GLI3: variants seen among roughly 807,000 people sequenced by gnomAD.
GLI3 encodes transcription activator GLI3.
In GLI3, 20 loss-of-function variants were observed where a neutral mutation model predicts 100.8. The ratio of observed to expected loss-of-function variants is 0.20; its 90% CI spans 0.14 to 0.29. GLI3 has a LOEUF of 0.29. Ranked by LOEUF, GLI3 falls within the 10% of genes least tolerant of loss-of-function variation. GLI3 has a pLI of 1.00. For synonymous variants in GLI3, 938 were observed against 860.5 expected (o/e 1.09, Z -1.58); for missense variants, 2,040 against 2,128.5 (o/e 0.96, Z 0.82).
At chr7:42,171,844 G>A (rs999307734) in intron 2 of GLI3, among the ~76,000 whole-genome samples, 7 of 152,184 alleles carry the variant, frequency 4.6e-5, no homozygotes, top group African/African-American at 1.7e-4. Context: ...ACCCAAGACT[G>A]TGCCATGATC....
At chr7:42,079,307 G>T (rs1217571362) in intron 3 of GLI3, among the ~76,000 whole-genome samples, 1 of 152,150 alleles carries the variant, frequency 6.6e-6, no homozygotes, top group African/African-American at 2.4e-5. Context: ...AGGAAATTAT[G>T]CACCCTTCTT....
rs1554337070 is a variant in GLI3, at chr7:42,182,662, A to ATACATGTGTG, written c.125-34195_125-34194insCACACATGTA. ...TGTGTGTGTATATATATATATATAT[A>ATACATGTGTG]TATATATATATATATATATACACAT... On this transcript the variant is annotated intron_variant, in intron 2 of 14. Coordinates refer to ENST00000395925, the MANE Select transcript of GLI3 (RefSeq NM_000168.6). Among the ~76,000 whole-genome samples the ATACATGTGTG allele has an allele frequency of 5.6e-4, 43 of 76,706 alleles. 1 individual carries two copies. Among genetic ancestry groups the ATACATGTGTG allele is most frequent in the African/African-American group, 2.7e-3 (40 of 14,964 alleles). 50.3% of individuals were successfully genotyped at this position (76,706 alleles called of 152,430 possible). A position where few individuals can be genotyped will look rare whatever the true frequency, so the allele number is the denominator to read the frequency against.
At position 42,115,764 on chromosome 7, in the gene GLI3, T is replaced by C. The variant is rs142792255; in HGVS notation, c.367+32462A>G. The stretch of plus-strand genomic sequence containing the variant: ...GGTTATTTTAAGGTGGTCACAGGTA[T>C]GCAGAGTCAGTTTTATGCTCTCCGT... On this transcript the variant is annotated intron_variant, in intron 3 of 14. Coordinates refer to ENST00000395925, the MANE Select transcript of GLI3 (RefSeq NM_000168.6). Among the ~76,000 whole-genome samples, 381 of 152,298 alleles carry C rather than the reference T, an allele frequency of 2.5e-3. 2 individuals are homozygous for C. The highest frequency in any genetic ancestry group is 4.4e-3 in the Admixed American group (67 of 15,310).
chr7:41,963,083 T>C lies in GLI3; in HGVS notation c.*1247A>G, dbSNP rs773447855. 2 of 152,232 alleles carry C rather than the reference T, an allele frequency of 1.3e-5. No homozygotes were observed. The highest frequency in any genetic ancestry group is 2.9e-5 in the Non-Finnish European group (2 of 68,040). The allele number at this position is 152,232 out of a possible 1,614,324, so 9.4% of individuals were successfully genotyped here. Reference sequence around the variant, plus strand: ...TTTAACTTCGTGAATGGATGCAGCATTCAATAGACAGGGTGTGAAAAAAGG... The same window carrying C: ...TTTAACTTCGTGAATGGATGCAGCACTCAATAGACAGGGTGTGAAAAAAGG... On this transcript the variant is annotated 3_prime_UTR_variant, in exon 15 of 15. Transcript: ENST00000395925.
intron 3 of GLI3, among the ~76,000 whole-genome samples, chr7:42,098,646 G>A (rs996542653): frequency 5.9e-5 from 9 of 152,200 alleles, no homozygotes; most frequent in Admixed American, 2.6e-4. Flanking sequence ...AAGCTGGAAA[G>A]TGCTGTGTCA....
chr7:41,993,594 T>G (rs1430825653), intron 10 of GLI3, among the ~76,000 whole-genome samples: 1 of 152,218 alleles, frequency 6.6e-6, no homozygotes, highest in African/African-American at 2.4e-5. Flanking sequence ...GCCAGGGATT[T>G]TTATCAGTTT....
chr7:42,075,672 C>CTGCA (rs2128751436), intron 4 of GLI3, among the ~76,000 whole-genome samples: 1 of 152,284 alleles, frequency 6.6e-6, no homozygotes, highest in Non-Finnish European at 1.5e-5. Context: ...TTATAGAAGT[C>CTGCA]TGCAACACAG....
intron 3 of GLI3, among the ~76,000 whole-genome samples, chr7:42,133,862 A>C (rs1327948403): frequency 6.6e-6 from 1 of 152,046 alleles, no homozygotes; most frequent in Non-Finnish European, 1.5e-5. Flanking sequence ...CAGGCAGATC[A>C]CCTGAGGTCA....
intron 2 of GLI3, among the ~76,000 whole-genome samples, chr7:42,219,543 T>C (rs1788441485): frequency 6.6e-6 from 1 of 152,168 alleles, no homozygotes; most frequent in South Asian, 2.1e-4. Flanking sequence ...ACTGTACCTT[T>C]TGGTTGTGGG....
At chr7:42,225,204 AC>A (rs1329852489) in intron 1 of GLI3, among the ~76,000 whole-genome samples, 4 of 152,224 alleles carry the variant, frequency 2.6e-5, no homozygotes, top group African/African-American at 9.6e-5. Flanking sequence ...TGGTACAAGA[AC>A]CATTTGTATC....
intron 1 of GLI3, among the ~76,000 whole-genome samples, chr7:42,247,064 T>C (rs1788984103): frequency 1.3e-5 from 2 of 152,102 alleles, no homozygotes. Flanking sequence ...GCAGTTGTTT[T>C]ATGTTGCTTT....
intron 1 of GLI3, among the ~76,000 whole-genome samples, chr7:42,234,422 G>A (rs923281563): frequency 2.0e-5 from 3 of 152,078 alleles, no homozygotes; most frequent in Non-Finnish European, 2.9e-5. Context: ...AAGAAACAAA[G>A]GAAAGTCCAA....
At chr7:41,979,006 T>C (rs1395975760) in intron 10 of GLI3, among the ~76,000 whole-genome samples, 7 of 152,206 alleles carry the variant, frequency 4.6e-5, no homozygotes, top group African/African-American at 1.7e-4. Context: ...GGAAATATAC[T>C]ACAGTACACT....
intron 3 of GLI3, among the ~76,000 whole-genome samples, chr7:42,078,709 C>T (rs902568202): frequency 2.0e-5 from 3 of 150,132 alleles, no homozygotes; most frequent in East Asian, 2.0e-4. Flanking sequence ...ATACTAATGA[C>T]CTGATCATTT....
intron 5 of GLI3, among the ~76,000 whole-genome samples, chr7:42,046,204 G>A (rs531909623): frequency 2.6e-5 from 4 of 152,212 alleles, no homozygotes; most frequent in Non-Finnish European, 2.9e-5. Flanking sequence ...GCCAATTTTC[G>A]TGCAAAAGCA....
At chr7:42,124,475 G>C (rs1375180655) in intron 3 of GLI3, among the ~76,000 whole-genome samples, 1 of 152,212 alleles carries the variant, frequency 6.6e-6, no homozygotes, top group Non-Finnish European at 1.5e-5. Context: ...AATGCAGTCA[G>C]TTGGATGTGA....
At chr7:42,010,424 C>A (rs943010626) in intron 10 of GLI3, among the ~76,000 whole-genome samples, 4 of 152,214 alleles carry the variant, frequency 2.6e-5, no homozygotes, top group Non-Finnish European at 1.5e-5. Context: ...ATCGATAGCA[C>A]ACCTGACCAC....
At chr7:42,113,474 C>G (rs1785768110) in intron 3 of GLI3, 1 of 779,766 alleles carries the variant, frequency 1.3e-6, no homozygotes, top group Admixed American at 1.7e-5. Context: ...CCTCCAAAGC[C>G]AGAGCAAGCC....
intron 10 of GLI3, among the ~76,000 whole-genome samples, chr7:41,980,124 G>A (rs1384698802): frequency 6.6e-6 from 1 of 152,240 alleles, no homozygotes; most frequent in African/African-American, 2.4e-5. Flanking sequence ...GAAGAGCAGA[G>A]AGAGAGTGGT....
Sources: gnomAD v4.1 joint callset for allele counts (sites outside exome capture counted in the v4.1 genomes callset) on GRCh38, gnomAD v4.1.1 for gene constraint, MANE v1.5 for transcripts, NCBI Gene and HGNC (gene_info 2026-07-23, HGNC 2026-07-21) for gene names.